Variants in LIMK2 observed in about 807,000 individuals in gnomAD.
LIMK2 encodes the protein LIM domain kinase 2.
In LIMK2, 35 loss-of-function variants were observed where a neutral mutation model predicts 75.7. The ratio of observed to expected loss-of-function variants is 0.46; its 90% confidence interval spans 0.35 to 0.61. The LOEUF (loss-of-function observed/expected upper bound fraction) is 0.61, where lower values mean the gene tolerates loss of function less well. LIMK2 is among the 20% of genes least tolerant of loss of function. The pLI is 0.00. For synonymous variants in LIMK2, 301 were observed against 319.2 expected (o/e 0.94, Z 0.61); for missense variants, 623 against 831.0 (o/e 0.75, Z 3.08).
chr22:31,247,560 T>G (rs1002155782), intron 2 of LIMK2, among the ~76,000 whole-genome samples: 2 of 152,174 alleles, frequency 1.3e-5, no homozygotes. Context: ...GCAGAGAGCT[T>G]TGGAAAAGAT....
At chr22:31,232,476 A>G (rs1035857015) in intron 2 of LIMK2, among the ~76,000 whole-genome samples, 5 of 152,260 alleles carry the variant, frequency 3.3e-5, no homozygotes, top group African/African-American at 1.2e-4. Context: ...GCAGCAGCAC[A>G]TGGCAACATT....
Position 31,265,352 on chromosome 22 carries a change from C to G in LIMK2, c.855-594C>G, listed in dbSNP as rs1335150688. ...TTGCACTTCAGCCTGGGCGACAGAG[C>G]GAGACTCTGTCTCAAAAATAATAAT... On this transcript the variant is annotated intron_variant, in intron 7 of 15. Transcript: ENST00000331728. Among the ~76,000 whole-genome samples the G allele has an allele frequency of 2.0e-5, 3 of 151,766 alleles. No individual in the cohort carries two copies. The East Asian group carries it at 5.8e-4, about 29-fold the overall frequency.
intron 2 of LIMK2, among the ~76,000 whole-genome samples, chr22:31,253,789 G>C (rs1181333302): frequency 2.0e-5 from 3 of 152,338 alleles, no homozygotes; most frequent in South Asian, 2.1e-4. Flanking sequence ...GCTACCGTAG[G>C]GTTGTCAGGA....
At chr22:31,246,758 C>CAAAAAA (rs11317931) in intron 2 of LIMK2, among the ~76,000 whole-genome samples, 1 of 113,010 alleles carries the variant, frequency 8.8e-6, no homozygotes, top group Non-Finnish European at 1.9e-5. Context: ...GACCCTGACT[C>CAAAAAA]AAAAAAAAAA....
intron 15 of LIMK2, chr22:31,277,444 C>A: frequency 8.6e-7 from 1 of 1,160,332 alleles, no homozygotes; most frequent in Non-Finnish European, 1.1e-6. Flanking sequence ...TGATTTCCAG[C>A]GGTCCACATT....
At chr22:31,259,762 AATC>A (rs2048819106) in intron 4 of LIMK2, 124 bp from the exon 5 acceptor site, 1 of 777,404 alleles carries the variant, frequency 1.3e-6, no homozygotes, top group African/African-American at 1.8e-5. Flanking sequence ...AGCCAGCTAG[AATC>A]ATGACAAAGA....
At chr22:31,233,765 C>T (rs1245831227) in intron 2 of LIMK2, among the ~76,000 whole-genome samples, 1 of 152,234 alleles carries the variant, frequency 6.6e-6, no homozygotes, top group Non-Finnish European at 1.5e-5. Context: ...CCACCATCCA[C>T]CCAGTGCCTA....
At chr22:31,214,068 C>T (rs745505729) in intron 1 of LIMK2, among the ~76,000 whole-genome samples, 3 of 152,148 alleles carry the variant, frequency 2.0e-5, no homozygotes, top group Admixed American at 6.5e-5. Flanking sequence ...CCGCCCGCTT[C>T]GGCCTCCCAA....
Position 31,212,395 on chromosome 22 carries a change from G to A in LIMK2, c.-14G>A. On this transcript the variant is annotated 5_prime_UTR_variant, in exon 1 of 16. Transcript: ENST00000331728. ...CCCCCGCCTCCTCCTCCCCATTTCC[G>A]CGCTCCCGGGACCATGTCCGCGCTG... 1.5e-6 allele frequency: 2 copies of A among 1,338,808 alleles called. No homozygotes were observed. Among genetic ancestry groups the A allele is most frequent in the Non-Finnish European group, 1.9e-6 (2 of 1,034,666 alleles). The allele number at this position is 1,338,808 out of a possible 1,614,324, so 82.9% of individuals were successfully genotyped here.
At chr22:31,216,972 A>C (rs1372046654) in intron 1 of LIMK2, among the ~76,000 whole-genome samples, 1 of 152,206 alleles carries the variant, frequency 6.6e-6, no homozygotes, top group East Asian at 1.9e-4. Flanking sequence ...TTTACATTGA[A>C]TAGTAACTAG....
rs3068235 is a variant in LIMK2, at chr22:31,222,372, CTTTTTTTTTTTTT to C, written c.17-3333_17-3321del. On this transcript the variant is annotated intron_variant, in intron 1 of 15. Transcript: ENST00000331728. ...AGGCATGAGCCACCGTGCCCAGCCT[CTTTTTTTTTTTTT>C]TTTTTTTTTTTTTTGAGACAGAGTC... Among the ~76,000 whole-genome samples, 4 of 55,198 alleles carry C rather than the reference CTTTTTTTTTTTTT, an allele frequency of 7.2e-5. No individual in the cohort carries two copies. The East Asian group carries it at 2.1e-3, about 29-fold the overall frequency. 36.2% of individuals were successfully genotyped at this position (55,198 alleles called of 152,430 possible). A position where few individuals can be genotyped will look rare whatever the true frequency, so the allele number is the denominator to read the frequency against.
chr22:31,264,842 A>G (rs1431127612), intron 7 of LIMK2, among the ~76,000 whole-genome samples: 2 of 151,904 alleles, frequency 1.3e-5, no homozygotes, highest in Non-Finnish European at 2.9e-5. Flanking sequence ...GCGAATCACA[A>G]GGTCAGGAGT....
chr22:31,245,616 T>C (rs2048661127), intron 2 of LIMK2, among the ~76,000 whole-genome samples: 1 of 152,140 alleles, frequency 6.6e-6, no homozygotes, highest in Non-Finnish European at 1.5e-5. Context: ...TGACTGATTT[T>C]TTTAGTAGAG....
Position 31,272,735 on chromosome 22 carries a change from G to A in LIMK2, c.1558+31G>A, listed in dbSNP as rs141331772. On this transcript the variant is annotated intron_variant, in intron 13 of 15. Transcript: ENST00000331728. ...TCCTGAAGCCCTGGAGGGGACACCC[G>A]CAGAGGGAGGACAGATGCTGCCCTT... 540 of 1,550,990 alleles carry A rather than the reference G, an allele frequency of 3.5e-4. 3 individuals are homozygous for A. In the African/African-American group the frequency reaches 5.9e-3, roughly 17 times the overall value.
chr22:31,221,988 G>C (rs535025941), intron 1 of LIMK2, among the ~76,000 whole-genome samples: 169 of 152,306 alleles, frequency 1.1e-3, no homozygotes, highest in Non-Finnish European at 2.1e-3. Context: ...CAGAGAAATG[G>C]TGGGGGTGGA....
At chr22:31,229,971 T>G (rs1364857813) in intron 2 of LIMK2, 1 of 152,212 alleles carries the variant, frequency 6.6e-6, no homozygotes, top group East Asian at 1.9e-4. Flanking sequence ...CCTGGACATA[T>G]GGCTGACTAG....
At chr22:31,234,106 G>C (rs570923190) in intron 2 of LIMK2, among the ~76,000 whole-genome samples, 3 of 151,900 alleles carry the variant, frequency 2.0e-5, no homozygotes, top group African/African-American at 7.3e-5. Flanking sequence ...TCTGCCTCCC[G>C]GGTTTAAGCA....
rs117337633 is a variant in LIMK2 at position 31,275,270 on chromosome 22, G to T, written c.1734G>T (p.Pro578=). 3.1e-6 allele frequency: 5 copies of T among 1,614,168 alleles called. No homozygotes were observed. In the East Asian group the frequency reaches 1.1e-4, roughly 36 times the overall value. The change falls in exon 15 of 16, where the codon CCG becomes CCT. Residue 578 remains proline (P), a synonymous_variant. Coordinates refer to ENST00000331728, the MANE Select transcript of LIMK2 (RefSeq NM_005569.4). ...VPTDCPPAFF[P]LAAICCRLEP... Reference sequence around the variant, plus strand: ...CAGATTGTCCCCCGGCCTTCTTCCCGCTGGCCGCCATCTGCTGCAGACTGG... The same window carrying T: ...CAGATTGTCCCCCGGCCTTCTTCCCTCTGGCCGCCATCTGCTGCAGACTGG...
At chr22:31,229,968 A>G (rs1454123002) in intron 2 of LIMK2, 1 of 151,924 alleles carries the variant, frequency 6.6e-6, no homozygotes, top group Non-Finnish European at 1.5e-5. Flanking sequence ...TCTCCTGGAC[A>G]TATGGCTGAC....
Sources: gnomAD v4.1 joint callset for allele counts (sites outside exome capture counted in the v4.1 genomes callset) on GRCh38, gnomAD v4.1.1 for gene constraint, MANE v1.5 for transcripts, NCBI Gene and HGNC (gene_info 2026-07-23, HGNC 2026-07-21) for gene names.